ZNF521: variants seen among roughly 807,000 people sequenced by gnomAD.
The protein encoded by ZNF521 is zinc finger protein 521.
In ZNF521, 14 loss-of-function variants were observed where a neutral mutation model predicts 105.5. That is an observed-to-expected ratio of 0.13 (90% CI 0.09 to 0.21). The LOEUF (loss-of-function observed/expected upper bound fraction) is 0.21, where lower values mean the gene tolerates loss of function less well. Among genes scored for constraint, ZNF521 ranks in the 10% least tolerant of loss-of-function variants. The pLI, the probability that ZNF521 is intolerant of heterozygous loss-of-function variation, is 1.00. For synonymous variants in ZNF521, 635 were observed against 606.0 expected, an observed-to-expected ratio of 1.05 and a Z score of -0.70; for missense variants, 1,233 against 1,629.7, an observed-to-expected ratio of 0.76 and a Z score of 4.19.
chr18:25,151,860 T>C (rs2035053266), intron 5 of ZNF521, among the ~76,000 whole-genome samples: 1 of 152,206 alleles, frequency 6.6e-6, no homozygotes, highest in African/African-American at 2.4e-5. Context: ...CACTTGAGGA[T>C]TCATGTTGCA....
chr18:25,277,603 T>C (rs1028591763), intron 3 of ZNF521, among the ~76,000 whole-genome samples: 1 of 152,174 alleles, frequency 6.6e-6, no homozygotes, highest in South Asian at 2.1e-4. Context: ...TTCATGTCAT[T>C]TACCTTATCT....
In ZNF521 at chr18:25,334,770, C is replaced by T. The variant is rs534495976; in HGVS notation, c.41-12583G>A. On this transcript the variant is annotated intron_variant, in intron 2 of 7. Transcript: ENST00000361524. ...CTGAGTGCCACCCCTAGAGACTTTGCAAACGAGGTAAACATAAAGAGGATA... is the reference window on the plus strand; with the variant it reads ...CTGAGTGCCACCCCTAGAGACTTTGTAAACGAGGTAAACATAAAGAGGATA... 4.1e-4 allele frequency among the ~76,000 whole-genome samples: 63 copies of T among 152,274 alleles called. No individual in the cohort carries two copies. The South Asian group carries it at 7.5e-3, about 18-fold the overall frequency.
intron 4 of ZNF521, among the ~76,000 whole-genome samples, chr18:25,203,970 C>T (rs117818171): frequency 0.015 from 2,268 of 152,102 alleles, 33 homozygotes; most frequent in East Asian, 0.072. Flanking sequence ...TGAGTTCTCA[C>T]GAGATGCGGT....
At chr18:25,093,422 A>C (rs2033789606) in intron 5 of ZNF521, among the ~76,000 whole-genome samples, 1 of 152,190 alleles carries the variant, frequency 6.6e-6, no homozygotes, top group Non-Finnish European at 1.5e-5. Flanking sequence ...GTCACACTAC[A>C]AGGGTAACAA....
intron 6 of ZNF521, among the ~76,000 whole-genome samples, chr18:25,091,429 C>T (rs1397237090): frequency 8.5e-6 from 1 of 117,714 alleles, no homozygotes; most frequent in African/African-American, 3.2e-5. Context: ...TCTAAAAATC[C>T]AATTTCATAG....
chr18:25,116,490 A>G (rs2034304824), intron 5 of ZNF521, among the ~76,000 whole-genome samples: 1 of 152,134 alleles, frequency 6.6e-6, no homozygotes, highest in Admixed American at 6.5e-5. Context: ...TTAAATCTCC[A>G]CATTCTCTAG....
intron 4 of ZNF521, among the ~76,000 whole-genome samples, chr18:25,212,538 AAT>A (rs1279194731): frequency 0.079 from 3,808 of 48,012 alleles, 434 homozygotes; most frequent in Middle Eastern, 0.14. Context: ...AAAAAAAAAA[AAT>A]ATATATATAT....
intron 5 of ZNF521, among the ~76,000 whole-genome samples, chr18:25,161,468 G>A (rs1190842344): frequency 1.3e-5 from 2 of 152,198 alleles, no homozygotes; most frequent in Non-Finnish European, 2.9e-5. Context: ...TTCATGATGT[G>A]TGGTGAAATG....
chr18:25,210,300 C>T (rs1386554397), intron 4 of ZNF521, among the ~76,000 whole-genome samples: 1 of 152,150 alleles, frequency 6.6e-6, no homozygotes, highest in African/African-American at 2.4e-5. Flanking sequence ...ATAGATGACC[C>T]TGTCAACTGT....
At chr18:25,170,351 A>G (rs1209059017) in intron 5 of ZNF521, among the ~76,000 whole-genome samples, 1 of 152,094 alleles carries the variant, frequency 6.6e-6, no homozygotes, top group Non-Finnish European at 1.5e-5. Flanking sequence ...TGGAAAATCA[A>G]TTGCACTGTG....
At chr18:25,328,154 T>C (rs1156581060) in intron 2 of ZNF521, among the ~76,000 whole-genome samples, 3 of 152,206 alleles carry the variant, frequency 2.0e-5, no homozygotes, top group Non-Finnish European at 2.9e-5. Flanking sequence ...CCTTTGTCTA[T>C]AAAATCTTCT....
intron 3 of ZNF521, among the ~76,000 whole-genome samples, chr18:25,258,743 T>C (rs1908692539): frequency 6.6e-6 from 1 of 152,076 alleles, no homozygotes; most frequent in Non-Finnish European, 1.5e-5. Flanking sequence ...AGAACTAGCC[T>C]ATCAAAAATG....
chr18:25,350,767 G>T, intron 2 of ZNF521, 140 bp downstream of exon 2: 1 of 781,612 alleles, frequency 1.3e-6, no homozygotes, highest in Non-Finnish European at 2.0e-6. Context: ...GGGGCTCAGC[G>T]GGGAGGGGAG....
At chr18:25,212,563 A>ATATATATATATATATATATG (rs1211491286) in intron 4 of ZNF521, among the ~76,000 whole-genome samples, 1 of 128,960 alleles carries the variant, frequency 7.8e-6, no homozygotes, top group African/African-American at 3.1e-5. Context: ...ATATATATAT[A>ATATATATATATATATATATG]TATGTATAGA....
intron 7 of ZNF521, among the ~76,000 whole-genome samples, chr18:25,068,333 C>T (rs1395590228): frequency 1.3e-5 from 2 of 152,182 alleles, no homozygotes; most frequent in Admixed American, 6.5e-5. Flanking sequence ...AATTATATTA[C>T]CCTTCCTTTT....
At chr18:25,218,729 T>C (rs1905501423) in intron 4 of ZNF521, among the ~76,000 whole-genome samples, 1 of 150,106 alleles carries the variant, frequency 6.7e-6, no homozygotes, top group South Asian at 2.1e-4. Flanking sequence ...ATTCCTGTAA[T>C]CCCAGCTACT....
intron 3 of ZNF521, among the ~76,000 whole-genome samples, chr18:25,317,457 G>A (rs138565401): frequency 6.6e-5 from 10 of 152,096 alleles, no homozygotes; most frequent in Non-Finnish European, 1.2e-4. Context: ...AGAATTTGAA[G>A]GTTGTTTTCT....
At chr18:25,120,363 AC>A (rs2034409170) in intron 5 of ZNF521, among the ~76,000 whole-genome samples, 1 of 152,142 alleles carries the variant, frequency 6.6e-6, no homozygotes, top group African/African-American at 2.4e-5. Context: ...TGGGCAGATC[AC>A]CCGAGGTCAG....
At chr18:25,343,979 G>C (rs1253222665) in intron 2 of ZNF521, among the ~76,000 whole-genome samples, 1 of 152,018 alleles carries the variant, frequency 6.6e-6, no homozygotes. Context: ...ATACCCACAA[G>C]ATCAGCCCAG....
Sources: gnomAD v4.1 joint callset for allele counts (sites outside exome capture counted in the v4.1 genomes callset) on GRCh38, gnomAD v4.1.1 for gene constraint, MANE v1.5 for transcripts, NCBI Gene and HGNC (gene_info 2026-07-23, HGNC 2026-07-21) for gene names.